SH3GLB1: variants seen among roughly 807,000 people sequenced by gnomAD.
SH3GLB1 encodes the protein SH3 domain containing GRB2 like, endophilin B1.
SH3GLB1 carries 17 observed loss-of-function variants against 42.0 expected under a neutral mutation model. The ratio of observed to expected loss-of-function variants is 0.40; its 90% CI spans 0.28 to 0.61. SH3GLB1 has a LOEUF of 0.61. Ranked by LOEUF, SH3GLB1 falls within the 20% of genes least tolerant of loss-of-function variation. SH3GLB1 has a pLI of 0.36. For missense variants in SH3GLB1, 355 were observed against 426.3 expected (o/e 0.83, Z 1.47); for synonymous variants, 132 against 146.6 (o/e 0.90, Z 0.72).
intron 5 of SH3GLB1, among the ~76,000 whole-genome samples, chr1:86,732,685 T>C (rs931701998): frequency 1.3e-5 from 2 of 152,170 alleles, no homozygotes; most frequent in Non-Finnish European, 2.9e-5. Context: ...TAAATTTTAC[T>C]CAAACCTAGA....
intron 3 of SH3GLB1, among the ~76,000 whole-genome samples, chr1:86,721,752 T>C (rs1654871313): frequency 6.6e-6 from 1 of 152,164 alleles, no homozygotes; most frequent in African/African-American, 2.4e-5. Flanking sequence ...CATTATACTT[T>C]TATAAGTATA....
intron 4 of SH3GLB1, 63 bp downstream of exon 4, chr1:86,722,736 A>G (rs1339516402): frequency 7.2e-7 from 1 of 1,395,582 alleles, no homozygotes; most frequent in Non-Finnish European, 9.6e-7. Flanking sequence ...TTTTTAATGA[A>G]TAATTTGGCC....
In SH3GLB1 at chr1:86,704,619, C is replaced by G. The variant is rs868507507; in HGVS notation, c.-281C>G. ...GGGTCCACACGGCGGGGTCGCCCGT[C>G]CATCTCCGGCTCGCCCGCGGGGCCC... On this transcript the variant is annotated 5_prime_UTR_variant, in exon 1 of 9. Coordinates refer to ENST00000370558, the MANE Select transcript of SH3GLB1 (RefSeq NM_016009.5). 2 of 314,214 alleles carry G rather than the reference C, an allele frequency of 6.4e-6. No homozygotes were observed. The highest frequency in any genetic ancestry group is 5.6e-5 in the Admixed American group (1 of 18,008). The allele number at this position is 314,214 out of a possible 1,614,324, so 19.5% of individuals were successfully genotyped here.
intron 1 of SH3GLB1, among the ~76,000 whole-genome samples, chr1:86,712,025 T>A (rs1558294910): frequency 6.6e-6 from 1 of 152,162 alleles, no homozygotes; most frequent in Non-Finnish European, 1.5e-5. Context: ...TAATAAAGTG[T>A]ACTTCTGATT....
chr1:86,724,886 A>ATATATAT (rs1409906302), intron 5 of SH3GLB1, among the ~76,000 whole-genome samples: 4 of 102,408 alleles, frequency 3.9e-5, no homozygotes, highest in African/African-American at 2.0e-4. Flanking sequence ...AAAAAAAAAA[A>ATATATAT]AAAAAAATAT....
At chr1:86,742,900 G>A (rs1656125341) in intron 8 of SH3GLB1, among the ~76,000 whole-genome samples, 1 of 152,144 alleles carries the variant, frequency 6.6e-6, no homozygotes, top group African/African-American at 2.4e-5. Flanking sequence ...GGTCAAGGCT[G>A]CAGTGAGCCG....
At chr1:86,709,737 C>T (rs898558569) in intron 1 of SH3GLB1, among the ~76,000 whole-genome samples, 2 of 152,208 alleles carry the variant, frequency 1.3e-5, no homozygotes, top group Admixed American at 6.5e-5. Flanking sequence ...AACATTTCCT[C>T]TAAACTGATT....
intron 1 of SH3GLB1, among the ~76,000 whole-genome samples, chr1:86,708,997 T>A (rs1344874040): frequency 6.6e-6 from 1 of 152,168 alleles, no homozygotes; most frequent in East Asian, 1.9e-4. Context: ...GTAAAAAAAA[T>A]TTTAAAATAA....
rs1222926196 is a variant in SH3GLB1 at position 86,719,500 on chromosome 1, C to T, written c.215-7C>T. 1 of 1,596,236 alleles carries T rather than the reference C, an allele frequency of 6.3e-7. No homozygotes were observed. The highest frequency in any genetic ancestry group is 1.8e-5 in the Admixed American group (1 of 56,354). ...GAAATCATTGGTAATTTTAACCTTT[C>T]TCCTAGATGCCAGGATAGAAGAATT... On this transcript the variant is annotated splice_region_variant and splice_polypyrimidine_tract_variant and intron_variant, in intron 2 of 8. Transcript: ENST00000370558.
Position 86,740,411 on chromosome 1 carries a change from C to T in SH3GLB1, c.762-1797C>T, listed in dbSNP as rs147035294. ...AAAACAAAGCTTTTCTGTGTTTCTC[C>T]TGTTAAAGTAGATGCATGGATACTG... On this transcript the variant is annotated intron_variant, in intron 7 of 8. Coordinates refer to ENST00000370558, the MANE Select transcript of SH3GLB1 (RefSeq NM_016009.5). Among the ~76,000 whole-genome samples the T allele has an allele frequency of 5.7e-3, 865 of 152,262 alleles. 7 individuals carry two copies. The highest frequency in any genetic ancestry group is 0.019 in the African/African-American group (805 of 41,530).
chr1:86,738,336 G>A (rs973848874), intron 7 of SH3GLB1, among the ~76,000 whole-genome samples: 1 of 152,044 alleles, frequency 6.6e-6, no homozygotes, highest in Admixed American at 6.6e-5. Context: ...CGCAATCTCG[G>A]CTCACTGCAA....
chr1:86,722,791 C>G, intron 4 of SH3GLB1, 118 bp downstream of exon 4: 1 of 791,680 alleles, frequency 1.3e-6, no homozygotes, highest in South Asian at 2.5e-5. Context: ...ATTAAATAAT[C>G]TAGGTCAGTG....
intron 1 of SH3GLB1, among the ~76,000 whole-genome samples, chr1:86,709,977 T>G (rs1654103675): frequency 6.6e-6 from 1 of 152,204 alleles, no homozygotes; most frequent in Non-Finnish European, 1.5e-5. Context: ...GAAATCCTAT[T>G]TCTTTTACAG....
chr1:86,709,991 T>G (rs1278826111), intron 1 of SH3GLB1, among the ~76,000 whole-genome samples: 1 of 152,208 alleles, frequency 6.6e-6, no homozygotes, highest in Non-Finnish European at 1.5e-5. Context: ...TTTACAGAAT[T>G]CACACCGTGA....
intron 5 of SH3GLB1, among the ~76,000 whole-genome samples, chr1:86,727,338 A>G (rs1038501904): frequency 7.9e-5 from 12 of 151,996 alleles, no homozygotes; most frequent in Admixed American, 3.3e-4. Flanking sequence ...TTAATGTTTC[A>G]CAATGAACAA....
At chr1:86,722,061 A>C (rs925915939) in intron 3 of SH3GLB1, among the ~76,000 whole-genome samples, 2 of 132,130 alleles carry the variant, frequency 1.5e-5, no homozygotes, top group Non-Finnish European at 1.5e-5. Flanking sequence ...TGTGTTGCCC[A>C]GGCTGGCCTT....
Position 86,728,631 on chromosome 1 carries a change from A to C in SH3GLB1, c.570+4226A>C, listed in dbSNP as rs1197648549. 4.1e-5 allele frequency: 21 copies of C among 511,662 alleles called. No individual in the cohort carries two copies. The East Asian group carries it at 6.6e-4, about 16-fold the overall frequency. The allele number at this position is 511,662 out of a possible 1,614,324, so 31.7% of individuals were successfully genotyped here. A position where few individuals can be genotyped will look rare whatever the true frequency, so the allele number is the denominator to read the frequency against. ...AATATAAGGAAAAAATACTAGCTGA[A>C]GTAATACTGGAACTTTAAAAGAAAT... On this transcript the variant is annotated intron_variant, in intron 5 of 8. Coordinates refer to ENST00000370558, the MANE Select transcript of SH3GLB1 (RefSeq NM_016009.5).
intron 7 of SH3GLB1, among the ~76,000 whole-genome samples, chr1:86,737,610 A>T (rs1316021729): frequency 6.6e-6 from 1 of 152,196 alleles, no homozygotes; most frequent in African/African-American, 2.4e-5. Flanking sequence ...TTTGCTTTTC[A>T]TTTTTAAAAT....
At position 86,715,756 on chromosome 1, in the gene SH3GLB1, G is replaced by A; in HGVS notation, c.105G>A (p.Lys35=). The A allele has an allele frequency of 1.2e-6, 2 of 1,609,262 alleles. No homozygotes were observed. Among genetic ancestry groups the A allele is most frequent in the Non-Finnish European group, 1.7e-6 (2 of 1,178,900 alleles). ...FTEEKLGQAE[K]TELDAHLENL... is the part of the protein sequence containing the mutation. ...AAGAAAAGCTTGGCCAGGCTGAGAA[G>A]ACAGAATTGGATGCTCACTTAGAGA... Residue 35 remains lysine (K), a synonymous_variant, in exon 2 of 9, where the codon AAG becomes AAA. Transcript: ENST00000370558.
Sources: allele counts gnomAD v4.1 joint callset (sites outside exome capture counted in the v4.1 genomes callset), GRCh38; gene constraint gnomAD v4.1.1; transcripts MANE v1.5; gene names NCBI Gene and HGNC (gene_info 2026-07-23, HGNC 2026-07-21).